The following GAS2 variants were observed in gnomAD, a reference collection of about 807,000 sequenced individuals.
GAS2 encodes growth arrest specific 2.
GAS2 carries 20 observed loss-of-function variants against 37.5 expected under a neutral mutation model. That is an observed-to-expected ratio of 0.53 (90% CI 0.37 to 0.77). The LOEUF (loss-of-function observed/expected upper bound fraction) is 0.77. Among genes scored for constraint, GAS2 ranks in the 30% least tolerant of loss-of-function variants. The probability of loss-of-function intolerance (pLI) is 0.00; values close to 1 mark genes in which losing one functional copy is unlikely to be tolerated. For missense variants in GAS2, 336 were observed against 373.4 expected, an observed-to-expected ratio of 0.90 and a Z score of 0.82; for synonymous variants, 144 against 132.2, an observed-to-expected ratio of 1.09 and a Z score of -0.61.
rs187283635 is a variant in GAS2, at chr11:22,752,253, A to T, written c.615+2992A>T. Among the ~76,000 whole-genome samples the T allele has an allele frequency of 2.5e-3, 384 of 152,112 alleles. 8 individuals carry two copies. The highest frequency in any genetic ancestry group is 0.023 in the Admixed American group (348 of 15,266). On this transcript the variant is annotated intron_variant, in intron 6 of 7. Transcript: ENST00000454584. ...CATAATAAGATCTTGTTTAACCTGG[A>T]ATCTTCTAAACTTATTTGACCACAG...
At chr11:22,793,658 G>A (rs1471510870) in intron 7 of GAS2, among the ~76,000 whole-genome samples, 1 of 152,036 alleles carries the variant, frequency 6.6e-6, no homozygotes, top group East Asian at 1.9e-4. Context: ...TTATTCAGAA[G>A]TATGTTATAG....
At chr11:22,663,497 T>C (rs1028050662), upstream of GAS2, among the ~76,000 whole-genome samples, 1 of 152,176 alleles carries the variant, frequency 6.6e-6, no homozygotes, top group Non-Finnish European at 1.5e-5. Flanking sequence ...CTATTTCTTA[T>C]GTAAAAATTA....
chr11:22,732,376 T>G (rs920082921), intron 4 of GAS2, among the ~76,000 whole-genome samples: 1 of 151,670 alleles, frequency 6.6e-6, no homozygotes, highest in Admixed American at 6.6e-5. Context: ...CTGATGAGAT[T>G]ATGAATGGAC....
chr11:22,627,740 A>T (rs1047869692), intron 1 of GAS2, among the ~76,000 whole-genome samples: 1 of 148,728 alleles, frequency 6.7e-6, no homozygotes, highest in Admixed American at 6.9e-5. Context: ...GGGCCACTGC[A>T]CTCCTGCCTG....
At chr11:22,742,272 C>A (rs1853132052) in intron 5 of GAS2, among the ~76,000 whole-genome samples, 1 of 151,936 alleles carries the variant, frequency 6.6e-6, no homozygotes, top group South Asian at 2.1e-4. Context: ...CAACAGCTAC[C>A]CCATTCTAAA....
chr11:22,780,790 C>A (rs1309654471), intron 7 of GAS2, among the ~76,000 whole-genome samples: 3 of 151,422 alleles, frequency 2.0e-5, no homozygotes, highest in Admixed American at 1.3e-4. Flanking sequence ...GTGTCTCAGG[C>A]AAAAAAATGG....
Position 22,812,928 on chromosome 11 carries a change from G to C in GAS2, c.*912G>C, listed in dbSNP as rs1039163497. On this transcript the variant is annotated 3_prime_UTR_variant, in exon 8 of 8. Transcript: ENST00000454584. ...ACCCTTGTATACCTGGGACAGGGCT[G>C]TTTTATACCAATAAACAGCAAAATA... 1 of 152,576 alleles carries C rather than the reference G, an allele frequency of 6.6e-6. No individual in the cohort carries two copies. The highest frequency in any genetic ancestry group is 2.4e-5 in the African/African-American group (1 of 41,450). The allele number at this position is 152,576 out of a possible 1,614,324, so 9.5% of individuals were successfully genotyped here. A position where few individuals can be genotyped will look rare whatever the true frequency, so the allele number is the denominator to read the frequency against.
At position 22,755,999 on chromosome 11, in the gene GAS2, G is replaced by C; in HGVS notation, c.723+46G>C. On this transcript the variant is annotated intron_variant, in intron 7 of 7. Coordinates refer to ENST00000454584, the MANE Select transcript of GAS2 (RefSeq NM_001143830.3). Reference sequence around the variant, plus strand: ...TATCTTGTTTTTATGGGAAGATTCAGAATTTGAGTTAGGGGAAATATGACA... The same window carrying C: ...TATCTTGTTTTTATGGGAAGATTCACAATTTGAGTTAGGGGAAATATGACA... 2.2e-6 allele frequency: 3 copies of C among 1,339,428 alleles called. No individual in the cohort carries two copies. The South Asian group carries it at 3.7e-5, about 17-fold the overall frequency. 83.0% of individuals were successfully genotyped at this position (1,339,428 alleles called of 1,614,324 possible).
chr11:22,643,404 C>CT (rs1343744651), intron 1 of GAS2, among the ~76,000 whole-genome samples: 11 of 147,508 alleles, frequency 7.5e-5, no homozygotes, highest in Non-Finnish European at 1.3e-4. Context: ...CTGGAAGGGG[C>CT]TTCTATGACT....
chr11:22,745,598 G>T (rs1292074133), intron 5 of GAS2, among the ~76,000 whole-genome samples: 1 of 151,996 alleles, frequency 6.6e-6, no homozygotes, highest in Non-Finnish European at 1.5e-5. Context: ...TTGACAAGTG[G>T]GACCTAATTA....
chr11:22,696,344 G>T (rs1850515220), intron 3 of GAS2, among the ~76,000 whole-genome samples: 1 of 151,954 alleles, frequency 6.6e-6, no homozygotes, highest in Non-Finnish European at 1.5e-5. Flanking sequence ...GTCTATCATT[G>T]TTGGACATTT....
intron 1 of GAS2, among the ~76,000 whole-genome samples, chr11:22,660,131 T>C (rs1286028790): frequency 6.6e-6 from 1 of 152,100 alleles, no homozygotes; most frequent in African/African-American, 2.4e-5. Context: ...TGGAATGAGC[T>C]CCCGGAAAGC....
chr11:22,743,973 C>T (rs867288510), intron 5 of GAS2, among the ~76,000 whole-genome samples: 22 of 151,806 alleles, frequency 1.4e-4, no homozygotes, highest in African/African-American at 3.4e-4. Context: ...TGATTGATCC[C>T]GAAGAAATAC....
At chr11:22,718,551 A>G (rs1267790602) in intron 3 of GAS2, among the ~76,000 whole-genome samples, 2 of 151,998 alleles carry the variant, frequency 1.3e-5, no homozygotes, top group Non-Finnish European at 2.9e-5. Context: ...AAGACAGCAC[A>G]ATGGGTACAT....
At position 22,812,259 on chromosome 11, in the gene GAS2, C is replaced by A. The variant is rs1857216741; in HGVS notation, c.*243C>A. ...CCAAATTTTAGGCAAATTATTATTT[C>A]TCAATATGCGAACACAGTATTTAGA... is the stretch of plus-strand genomic sequence containing the variant. On this transcript the variant is annotated 3_prime_UTR_variant, in exon 8 of 8. Coordinates refer to ENST00000454584, the MANE Select transcript of GAS2 (RefSeq NM_001143830.3). 3 of 449,696 alleles carry A rather than the reference C, an allele frequency of 6.7e-6. No homozygotes were observed. The highest frequency in any genetic ancestry group is 1.2e-5 in the Non-Finnish European group (3 of 249,606). 27.9% of individuals were successfully genotyped at this position (449,696 alleles called of 1,614,324 possible).
intron 7 of GAS2, among the ~76,000 whole-genome samples, chr11:22,797,525 T>TCACCC (rs750122579): frequency 0.21 from 31,698 of 151,850 alleles, 4,102 homozygotes; most frequent in African/African-American, 0.36. Context: ...GATTACATCT[T>TCACCC]TATGTATGTA....
intron 3 of GAS2, among the ~76,000 whole-genome samples, chr11:22,720,188 C>T (rs1565108218): frequency 6.6e-6 from 1 of 151,928 alleles, no homozygotes; most frequent in Non-Finnish European, 1.5e-5. Flanking sequence ...TGTGAATATT[C>T]CTATGGCATT....
rs1458782485 is a variant in GAS2 at position 22,749,122 on chromosome 11, A to G, written c.476A>G (p.Tyr159Cys). The change falls in exon 6 of 8, where the codon TAT (tyrosine) becomes TGT (cysteine). Residue 159 changes from tyrosine (Y) to cysteine (C), a missense_variant and splice_region_variant. Physicochemically the swap from Tyr to Cys is radical, Grantham distance 194. Coordinates refer to ENST00000454584, the MANE Select transcript of GAS2 (RefSeq NM_001143830.3). ...LLELGRIAARYGVEPPGLIKL... is the reference protein window; with the variant it reads ...LLELGRIAARCGVEPPGLIKL... ...AATGATCCAGGGTCTTTTTAAAGGT[A>G]TGGTGTGGAGCCTCCTGGTTTGATA... 3 of 1,610,532 alleles carry G rather than the reference A, an allele frequency of 1.9e-6. No homozygotes were observed. The highest frequency in any genetic ancestry group is 1.7e-6 in the Non-Finnish European group (2 of 1,178,186).
rs1262738795 is a variant in GAS2 at position 22,626,164 on chromosome 11, A to G, written c.-21+351A>G. ...AATTTTCTGAGCTTTGCCTAAAACT[A>G]GAATCTGTGTTGAGGTTTTTCAAAA... On this transcript the variant is annotated intron_variant, in intron 1 of 5. Transcript: ENST00000528582. 6 of 351,838 alleles carry G rather than the reference A, an allele frequency of 1.7e-5. No homozygotes were observed. The East Asian group carries it at 1.9e-4, about 11-fold the overall frequency. 21.8% of individuals were successfully genotyped at this position (351,838 alleles called of 1,614,324 possible).
Sources: gnomAD v4.1 joint callset for allele counts (sites outside exome capture counted in the v4.1 genomes callset) on GRCh38, gnomAD v4.1.1 for gene constraint, MANE v1.5 for transcripts, NCBI Gene and HGNC (gene_info 2026-07-23, HGNC 2026-07-21) for gene names.